Variants in ANKS1B observed in about 807,000 individuals in gnomAD.
The protein encoded by ANKS1B is ankyrin repeat and sterile alpha motif domain-containing protein 1B.
ANKS1B carries 36 observed loss-of-function variants against 148.3 expected under a neutral mutation model. The ratio of observed to expected loss-of-function variants is 0.24; its 90% confidence interval spans 0.19 to 0.32. The LOEUF (loss-of-function observed/expected upper bound fraction) is 0.32, where lower values mean the gene tolerates loss of function less well. Among genes scored for constraint, ANKS1B ranks in the 10% least tolerant of loss-of-function variants. The pLI, the probability that ANKS1B is intolerant of heterozygous loss-of-function variation, is 1.00. For synonymous variants in ANKS1B, 542 were observed against 560.8 expected (o/e 0.97, Z 0.47); for missense variants, 1,157 against 1,542.6 (o/e 0.75, Z 4.19).
At chr12:99,261,359 TCTCTGCTCATTC>T (rs1373918439) in intron 12 of ANKS1B, among the ~76,000 whole-genome samples, 14 of 152,164 alleles carry the variant, frequency 9.2e-5, no homozygotes, top group African/African-American at 3.4e-4. Flanking sequence ...TCCTTCTCAT[TCTCTGCTCATTC>T]CTTCTGTTTC....
chr12:98,859,260 C>T (rs1165413951), intron 17 of ANKS1B, among the ~76,000 whole-genome samples: 2 of 152,224 alleles, frequency 1.3e-5, no homozygotes, highest in African/African-American at 4.8e-5. Flanking sequence ...GTGATGGTAT[C>T]AGAGCCCAAG....
At chr12:99,428,605 T>C (rs552316390) in intron 11 of ANKS1B, among the ~76,000 whole-genome samples, 1 of 152,332 alleles carries the variant, frequency 6.6e-6, no homozygotes, top group African/African-American at 2.4e-5. Context: ...GAAATATAGA[T>C]GTTCCTGTGC....
chr12:98,887,499 A>G (rs987228554), intron 17 of ANKS1B, among the ~76,000 whole-genome samples: 1 of 152,118 alleles, frequency 6.6e-6, no homozygotes, highest in Non-Finnish European at 1.5e-5. Flanking sequence ...TTTTCATCGT[A>G]TTTTTTCTTA....
intron 12 of ANKS1B, among the ~76,000 whole-genome samples, chr12:99,310,027 T>C (rs1247856697): frequency 1.3e-5 from 2 of 152,128 alleles, no homozygotes; most frequent in African/African-American, 4.8e-5. Flanking sequence ...TTCTTAGCAT[T>C]TGGAAAGCTA....
chr12:99,842,981 G>T (rs2086007010), intron 1 of ANKS1B, among the ~76,000 whole-genome samples: 1 of 152,074 alleles, frequency 6.6e-6, no homozygotes, highest in African/African-American at 2.4e-5. Context: ...CACTGTGATT[G>T]AATTATTACC....
chr12:99,868,500 T>C (rs918319309), intron 1 of ANKS1B, among the ~76,000 whole-genome samples: 3 of 151,862 alleles, frequency 2.0e-5, no homozygotes, highest in East Asian at 1.9e-4. Flanking sequence ...GAAAAAGAAA[T>C]AGAAGACATG....
At chr12:98,993,477 G>A (rs1477877627) in intron 17 of ANKS1B, among the ~76,000 whole-genome samples, 1 of 152,050 alleles carries the variant, frequency 6.6e-6, no homozygotes, top group Non-Finnish European at 1.5e-5. Flanking sequence ...CCTGTAGTTG[G>A]TTCTTTTGAA....
At chr12:99,403,967 T>C (rs1418539821) in intron 11 of ANKS1B, among the ~76,000 whole-genome samples, 1 of 146,080 alleles carries the variant, frequency 6.8e-6, no homozygotes, top group East Asian at 1.9e-4. Context: ...ATGTGGGATA[T>C]AATATATAGC....
chr12:98,884,733 A>G lies in ANKS1B; in HGVS notation c.2779-52597T>C, dbSNP rs900731718. 7.6e-5 allele frequency among the ~76,000 whole-genome samples: 11 copies of G among 145,350 alleles called. No individual in the cohort carries two copies. The East Asian group carries it at 2.3e-3, about 31-fold the overall frequency. ...AGAATGGCGTGAACCCGGGAAGCGG[A>G]GCTTGCAGTGAGCTGAGATTGCGCC... On this transcript the variant is annotated intron_variant, in intron 17 of 26. Coordinates refer to ENST00000683438, the MANE Select transcript of ANKS1B (RefSeq NM_001352186.2).
chr12:99,140,668 C>A (rs188891403), intron 15 of ANKS1B, among the ~76,000 whole-genome samples: 19 of 152,106 alleles, frequency 1.2e-4, no homozygotes, highest in African/African-American at 4.6e-4. Flanking sequence ...GACTGGCCCA[C>A]GATCTCACAC....
At chr12:98,903,499 G>C (rs1020314562) in intron 17 of ANKS1B, among the ~76,000 whole-genome samples, 4 of 152,196 alleles carry the variant, frequency 2.6e-5, no homozygotes, top group Admixed American at 2.6e-4. Flanking sequence ...AGGGTGCCAG[G>C]TGTAATGCCT....
intron 1 of ANKS1B, among the ~76,000 whole-genome samples, chr12:99,848,312 A>G (rs529993912): frequency 6.6e-6 from 1 of 152,292 alleles, no homozygotes; most frequent in African/African-American, 2.4e-5. Flanking sequence ...CCAGGGACAG[A>G]GGGAACAGGA....
chr12:99,921,430 C>T lies in ANKS1B; in HGVS notation c.134+62674G>A, dbSNP rs149954961. Among the ~76,000 whole-genome samples, 284 of 152,234 alleles carry T rather than the reference C, an allele frequency of 1.9e-3. 2 individuals carry two copies. The highest frequency in any genetic ancestry group is 7.2e-3 in the Admixed American group (110 of 15,286). The stretch of plus-strand genomic sequence containing the variant: ...AAACGTCTTCCTTTTATAAATTACC[C>T]AGTCTCAGGGAAGTTATTTACAGCA... On this transcript the variant is annotated intron_variant, in intron 1 of 26. Transcript: ENST00000683438.
intron 7 of ANKS1B, among the ~76,000 whole-genome samples, chr12:99,773,499 A>G (rs1007816428): frequency 1.3e-5 from 2 of 152,162 alleles, no homozygotes; most frequent in African/African-American, 4.8e-5. Context: ...ATAAACAGAA[A>G]TAGTACAAGT....
At chr12:99,343,649 CAAAT>C (rs2090253834) in intron 12 of ANKS1B, 1 of 152,010 alleles carries the variant, frequency 6.6e-6, no homozygotes, top group Admixed American at 6.6e-5. Flanking sequence ...CAATCAAAGA[CAAAT>C]AATAAAATAA....
chr12:98,882,187 A>T (rs551230358), intron 17 of ANKS1B, among the ~76,000 whole-genome samples: 2 of 152,296 alleles, frequency 1.3e-5, no homozygotes, highest in African/African-American at 4.8e-5. Context: ...ACAAAAAACA[A>T]ACAAAACGAT....
intron 22 of ANKS1B, among the ~76,000 whole-genome samples, chr12:98,785,908 C>A (rs548768816): frequency 1.3e-5 from 2 of 152,278 alleles, no homozygotes; most frequent in African/African-American, 2.4e-5. Context: ...ATGCTCAAGG[C>A]GAACCTTCTG....
intron 17 of ANKS1B, among the ~76,000 whole-genome samples, chr12:98,910,238 C>CAT (rs1424294274): frequency 2.6e-5 from 4 of 152,158 alleles, no homozygotes; most frequent in Admixed American, 6.5e-5. Flanking sequence ...CTCAAATATA[C>CAT]ATATATATAG....
At chr12:99,115,584 A>T (rs561156891) in intron 15 of ANKS1B, among the ~76,000 whole-genome samples, 1 of 151,816 alleles carries the variant, frequency 6.6e-6, no homozygotes, top group Non-Finnish European at 1.5e-5. Context: ...TAGTTTACCT[A>T]TGTAACAAAC....
Sources: gnomAD v4.1 joint callset for allele counts (sites outside exome capture counted in the v4.1 genomes callset) on GRCh38, gnomAD v4.1.1 for gene constraint, MANE v1.5 for transcripts, NCBI Gene and HGNC (gene_info 2026-07-23, HGNC 2026-07-21) for gene names.